Variants in PTPRD observed in about 807,000 individuals in gnomAD.
PTPRD encodes receptor-type tyrosine-protein phosphatase delta.
In PTPRD, 34 loss-of-function variants were observed where a neutral mutation model predicts 214.5. That is an observed-to-expected ratio of 0.16 (90% CI 0.12 to 0.21). The LOEUF is 0.21. Among genes scored for constraint, PTPRD ranks in the 10% least tolerant of loss-of-function variants. The pLI is 1.00. For synonymous variants in PTPRD, 1,128 were observed against 845.7 expected (o/e 1.33, Z -5.79); for missense variants, 2,545 against 2,398.7 (o/e 1.06, Z -1.27).
intron 2 of PTPRD, among the ~76,000 whole-genome samples, chr9:10,350,285 G>C (rs2097160138): frequency 1.3e-5 from 2 of 152,028 alleles, no homozygotes; most frequent in African/African-American, 4.8e-5. Context: ...GGAACTATAA[G>C]AAGAAACTTT....
At chr9:8,699,577 A>C (rs76385704) in intron 12 of PTPRD, among the ~76,000 whole-genome samples, 247 of 152,326 alleles carry the variant, frequency 1.6e-3, no homozygotes, top group African/African-American at 4.5e-3. Context: ...TTGAAATTAA[A>C]ACCAAGTGTT....
intron 2 of PTPRD, among the ~76,000 whole-genome samples, chr9:10,507,972 T>A (rs1466643302): frequency 6.6e-6 from 1 of 152,052 alleles, no homozygotes; most frequent in Non-Finnish European, 1.5e-5. Flanking sequence ...ACTAAAGAAC[T>A]TTGGCACAGC....
At chr9:10,067,960 G>A (rs1212852630) in intron 3 of PTPRD, among the ~76,000 whole-genome samples, 3 of 151,842 alleles carry the variant, frequency 2.0e-5, no homozygotes, top group African/African-American at 7.2e-5. Flanking sequence ...GATGGCTCTT[G>A]GGATTTTGTG....
At chr9:9,976,386 ATTTATT>A (rs1804199522) in intron 4 of PTPRD, among the ~76,000 whole-genome samples, 1 of 151,846 alleles carries the variant, frequency 6.6e-6, no homozygotes, top group South Asian at 2.1e-4. Context: ...GATTAACTAT[ATTTATT>A]TTTATTTTTT....
chr9:10,039,615 T>G (rs1257646946), intron 3 of PTPRD, among the ~76,000 whole-genome samples: 1 of 152,016 alleles, frequency 6.6e-6, no homozygotes, highest in Non-Finnish European at 1.5e-5. Flanking sequence ...GGTTAAAATG[T>G]CCTAGCTATC....
At chr9:10,592,818 G>GA (rs1321599325) in intron 2 of PTPRD, among the ~76,000 whole-genome samples, 5 of 152,058 alleles carry the variant, frequency 3.3e-5, no homozygotes, top group Middle Eastern at 3.4e-3. Context: ...AGGGAGGATT[G>GA]AAAAACGGGA....
intron 3 of PTPRD, among the ~76,000 whole-genome samples, chr9:10,302,650 A>G (rs2154407804): frequency 6.6e-6 from 1 of 152,322 alleles, no homozygotes; most frequent in South Asian, 2.1e-4. Context: ...AACAACAAAG[A>G]TCAAAAGAGA....
chr9:8,935,098 G>C (rs1177947627), intron 11 of PTPRD, among the ~76,000 whole-genome samples: 1 of 151,688 alleles, frequency 6.6e-6, no homozygotes, highest in East Asian at 1.9e-4. Context: ...TCATATATTG[G>C]CTATTGTGAA....
rs1821329257 is a variant in PTPRD, at chr9:8,315,777, A to G, written c.*2097T>C. The G allele has an allele frequency of 4.4e-6, 1 of 228,444 alleles. No homozygotes were observed. Among genetic ancestry groups the G allele is most frequent in the African/African-American group, 2.2e-5 (1 of 45,054 alleles). 14.2% of individuals were successfully genotyped at this position (228,444 alleles called of 1,614,324 possible). On this transcript the variant is annotated 3_prime_UTR_variant, in exon 46 of 46. Transcript: ENST00000381196. The stretch of plus-strand genomic sequence containing the variant: ...AAAAATCCTTCCATGCAGAACATCC[A>G]TGAAGCTAAAATTAAACCAAAGTAG...
At chr9:9,539,988 C>A (rs185871417) in intron 8 of PTPRD, among the ~76,000 whole-genome samples, 1 of 151,816 alleles carries the variant, frequency 6.6e-6, no homozygotes, top group East Asian at 2.0e-4. Flanking sequence ...ATAATTTTAT[C>A]CCATTTTGAG....
At chr9:8,484,775 CA>C (rs1236770391) in intron 29 of PTPRD, among the ~76,000 whole-genome samples, 2 of 152,022 alleles carry the variant, frequency 1.3e-5, no homozygotes, top group Non-Finnish European at 2.9e-5. Context: ...CTTTTACTTT[CA>C]AAAATGTTTC....
In PTPRD at chr9:10,104,158, C is replaced by G. The variant is rs564283219; in HGVS notation, c.-544-70368G>C. Among the ~76,000 whole-genome samples the G allele has an allele frequency of 5.9e-5, 9 of 151,578 alleles. No individual in the cohort carries two copies. The South Asian group carries it at 1.7e-3, about 28-fold the overall frequency. ...AAAGTGGAATGGTGGGTGCCAGGGG[C>G]TGGGAGAGGAGGGAAGGAGGAGTGA... is the stretch of plus-strand genomic sequence containing the variant. On this transcript the variant is annotated intron_variant, in intron 3 of 45. Transcript: ENST00000381196.
intron 2 of PTPRD, among the ~76,000 whole-genome samples, chr9:10,550,259 T>G: frequency 6.6e-6 from 1 of 152,168 alleles, no homozygotes. Flanking sequence ...ATAAATCAAG[T>G]ACTTTCTTTT....
intron 2 of PTPRD, among the ~76,000 whole-genome samples, chr9:10,355,613 G>C (rs901505233): frequency 6.6e-6 from 1 of 151,702 alleles, no homozygotes. Context: ...AGAGTAGCTG[G>C]GATTACAGGC....
intron 11 of PTPRD, among the ~76,000 whole-genome samples, chr9:8,809,785 G>C (rs1462144973): frequency 6.6e-6 from 1 of 152,186 alleles, no homozygotes; most frequent in Non-Finnish European, 1.5e-5. Context: ...CTGATAATTT[G>C]ATATGACGGG....
chr9:10,190,417 A>AAAAC (rs1564422257), intron 3 of PTPRD, among the ~76,000 whole-genome samples: 2 of 91,616 alleles, frequency 2.2e-5, no homozygotes, highest in Non-Finnish European at 4.1e-5. Flanking sequence ...AAAAAAAAAA[A>AAAAC]AAACAAAAAG....
intron 2 of PTPRD, among the ~76,000 whole-genome samples, chr9:10,504,053 TTG>T (rs2044923907): frequency 7.6e-6 from 1 of 131,016 alleles, no homozygotes; most frequent in Non-Finnish European, 1.5e-5. Context: ...GAGGCAGAGC[TTG>T]CAGTGAGCCG....
chr9:8,461,997 T>C (rs1415170860), intron 32 of PTPRD, among the ~76,000 whole-genome samples: 2 of 151,870 alleles, frequency 1.3e-5, no homozygotes, highest in Non-Finnish European at 2.9e-5. Context: ...TCTCTTGTCC[T>C]CTCTTATCTG....
At chr9:9,521,934 G>A (rs1165399803) in intron 8 of PTPRD, among the ~76,000 whole-genome samples, 1 of 152,068 alleles carries the variant, frequency 6.6e-6, no homozygotes, top group Non-Finnish European at 1.5e-5. Flanking sequence ...GAGGCAGGTG[G>A]ATCACCTGAA....
Sources: gnomAD v4.1 joint callset for allele counts (sites outside exome capture counted in the v4.1 genomes callset) on GRCh38, gnomAD v4.1.1 for gene constraint, MANE v1.5 for transcripts, NCBI Gene and HGNC (gene_info 2026-07-23, HGNC 2026-07-21) for gene names.